Variants in ZNF469 observed in about 807,000 individuals in gnomAD.
ZNF469 encodes the protein zinc finger protein 469.
Under a neutral mutation model 1.0 loss-of-function variants are expected in ZNF469, and 1 was observed. The ratio of observed to expected loss-of-function variants is 1.00; its 90% CI spans 0.35 to 4.73. The LOEUF is 4.73. Ranked by LOEUF, ZNF469 falls within the 30% of genes most tolerant of loss-of-function variation. The probability of loss-of-function intolerance (pLI) is 0.16; values close to 1 mark genes in which losing one functional copy is unlikely to be tolerated. For missense variants in ZNF469, 6,100 were observed against 5,356.3 expected, an observed-to-expected ratio of 1.14 and a Z score of -4.33; for synonymous variants, 2,703 against 2,363.4, an observed-to-expected ratio of 1.14 and a Z score of -4.17.
chr16:88,180,145 A>G, the ZNF469 span, among the ~76,000 whole-genome samples: 1 of 152,196 alleles, frequency 6.6e-6, no homozygotes, highest in Non-Finnish European at 1.5e-5. Context: ...TACTTGATCC[A>G]ATAGAAGGAA....
the ZNF469 span, among the ~76,000 whole-genome samples, chr16:88,305,284 GCACACA>G: frequency 2.6e-5 from 3 of 116,382 alleles, no homozygotes; most frequent in African/African-American, 6.6e-5. Context: ...ATGCTCTCAG[GCACACA>G]CACACGCACA....
chr16:88,183,878 C>T, the ZNF469 span, among the ~76,000 whole-genome samples: 1 of 152,082 alleles, frequency 6.6e-6, no homozygotes, highest in East Asian at 1.9e-4. Flanking sequence ...GACAGGGAAG[C>T]GTCCCTGGAG....
At position 88,438,293 on chromosome 16, in the gene ZNF469, G is replaced by A. The variant is rs1159843365; in HGVS notation, c.10823G>A (p.Gly3608Asp). ...TCTCTGCCGCGGCCGGGAGCCAGAG[G>A]CCAAGATGCGGAGGGAAAGAGGGCT... ...GASLPRPGARGQDAEGKRAPL... is the reference protein window; with the variant it reads ...GASLPRPGARDQDAEGKRAPL... Residue 3608 changes from glycine to aspartate, a missense_variant, in exon 3 of 3, where the codon GGC (glycine) becomes GAC (aspartate). Physicochemically the swap from Gly to Asp is moderately conservative, Grantham distance 94. Coordinates refer to ENST00000565624, the MANE Select transcript of ZNF469 (RefSeq NM_001367624.2). 1.9e-6 allele frequency: 3 copies of A among 1,548,642 alleles called. No individual in the cohort carries two copies. The highest frequency in any genetic ancestry group is 2.6e-6 in the Non-Finnish European group (3 of 1,145,628).
intron 1 of ZNF469, among the ~76,000 whole-genome samples, chr16:88,401,935 GATACGTGGGTGGATGGGAA>G (rs1904888283): frequency 4.4e-5 from 1 of 22,922 alleles, no homozygotes; most frequent in African/African-American, 2.7e-4. Context: ...TGGATGGATA[GATACGTGGGTGGATGGGAA>G]GATGGATGGG....
the ZNF469 span, among the ~76,000 whole-genome samples, chr16:88,246,412 C>G: frequency 2.6e-5 from 4 of 152,124 alleles, no homozygotes; most frequent in Admixed American, 2.0e-4. Context: ...AACCCCATCT[C>G]AGAGCAAGCC....
At chr16:88,332,718 A>AG in the ZNF469 span, among the ~76,000 whole-genome samples, 1 of 151,816 alleles carries the variant, frequency 6.6e-6, no homozygotes, top group Non-Finnish European at 1.5e-5. Flanking sequence ...AGGATGGGGG[A>AG]GGGGGGGCTG....
the ZNF469 span, among the ~76,000 whole-genome samples, chr16:88,117,798 C>G: frequency 2.0e-5 from 3 of 152,210 alleles, no homozygotes; most frequent in African/African-American, 7.2e-5. Flanking sequence ...GGAGGTGGAC[C>G]TGTCGGAGTG....
chr16:88,146,493 G>A, the ZNF469 span, among the ~76,000 whole-genome samples: 5 of 152,106 alleles, frequency 3.3e-5, no homozygotes, highest in African/African-American at 4.8e-5. Context: ...GGTGAGGCCC[G>A]GGGAGAGTGG....
At chr16:88,147,748 A>T in the ZNF469 span, among the ~76,000 whole-genome samples, 27 of 152,084 alleles carry the variant, frequency 1.8e-4, no homozygotes, top group Admixed American at 4.6e-4. Context: ...GTTGGATGCA[A>T]ACTGGCCTCC....
At chr16:88,178,744 C>T in the ZNF469 span, 3 of 152,232 alleles carry the variant, frequency 2.0e-5, no homozygotes, top group Admixed American at 6.5e-5. Context: ...GGAGACACAA[C>T]CACAGCAGGG....
chr16:88,425,495 G>A (rs980049807), intron 2 of ZNF469, among the ~76,000 whole-genome samples: 2 of 151,580 alleles, frequency 1.3e-5, no homozygotes, highest in Non-Finnish European at 2.9e-5. Flanking sequence ...CAGGAGATGT[G>A]CAGGGCTAGG....
At chr16:88,111,163 C>A in the ZNF469 span, among the ~76,000 whole-genome samples, 1 of 152,212 alleles carries the variant, frequency 6.6e-6, no homozygotes, top group South Asian at 2.1e-4. Flanking sequence ...GGGGCTGTGA[C>A]GCCACTGCCG....
At position 88,430,114 on chromosome 16, in the gene ZNF469, G is replaced by A. The variant is rs1024155646; in HGVS notation, c.2644G>A (p.Gly882Arg). The A allele has an allele frequency of 3.2e-6, 5 of 1,550,216 alleles. No homozygotes were observed. Among genetic ancestry groups the A allele is most frequent in the African/African-American group, 1.4e-5 (1 of 73,114 alleles). The change falls in exon 3 of 3, where the codon GGA becomes AGA. Residue 882 changes from glycine to arginine, a missense_variant. Transcript: ENST00000565624. ...TTCCGGCCCCAGAGGTCCCAGCTCC[G>A]GACACCCCCTTAAGAGCAAGGCGGG... ...EPSGPRGPSS[G>R]HPLKSKAGVT...
the ZNF469 span, among the ~76,000 whole-genome samples, chr16:88,121,365 T>TA: frequency 6.6e-6 from 1 of 152,062 alleles, no homozygotes; most frequent in African/African-American, 2.4e-5. Context: ...AACATAGAGT[T>TA]AAAGAGAGAA....
At chr16:88,155,429 G>A in the ZNF469 span, among the ~76,000 whole-genome samples, 1 of 152,180 alleles carries the variant, frequency 6.6e-6, no homozygotes, top group African/African-American at 2.4e-5. Context: ...CATTCTTGTT[G>A]CCCCAAAAGG....
chr16:88,215,016 A>G, the ZNF469 span, among the ~76,000 whole-genome samples: 3 of 152,198 alleles, frequency 2.0e-5, no homozygotes, highest in African/African-American at 7.2e-5. Flanking sequence ...TTTAACTAAT[A>G]TTAGACTAGT....
In ZNF469 at chr16:88,427,928, C is replaced by T; in HGVS notation, c.458C>T (p.Pro153Leu). The T allele has an allele frequency of 6.5e-7, 1 of 1,549,982 alleles. No homozygotes were observed. Among genetic ancestry groups the T allele is most frequent in the Non-Finnish European group, 8.7e-7 (1 of 1,146,882 alleles). ...GCCCAGCTCCCTGAGGTGGACACCCCCCAGGGCCCTGGGACTGGAGCTCCA... is the reference window on the plus strand; with the variant it reads ...GCCCAGCTCCCTGAGGTGGACACCCTCCAGGGCCCTGGGACTGGAGCTCCA... ...EAAQLPEVDT[P>L]QGPGTGAPLR... Residue 153 changes from proline (P) to leucine (L), a missense_variant, in exon 3 of 3, where the codon CCC (proline) becomes CTC (leucine). Coordinates refer to ENST00000565624, the MANE Select transcript of ZNF469 (RefSeq NM_001367624.2).
At chr16:88,330,285 C>T in the ZNF469 span, among the ~76,000 whole-genome samples, 166 of 152,316 alleles carry the variant, frequency 1.1e-3, no homozygotes, top group African/African-American at 3.6e-3. Context: ...TGTGCACATG[C>T]GAAGGCCCTT....
chr16:88,390,607 C>T (rs1314527422), intron 1 of ZNF469, among the ~76,000 whole-genome samples: 1 of 152,208 alleles, frequency 6.6e-6, no homozygotes, highest in Non-Finnish European at 1.5e-5. Flanking sequence ...CTGGAGAAAA[C>T]AGGAAGCAGG....
Sources: gnomAD v4.1 joint callset for allele counts (sites outside exome capture counted in the v4.1 genomes callset) on GRCh38, gnomAD v4.1.1 for gene constraint, MANE v1.5 for transcripts, NCBI Gene and HGNC (gene_info 2026-07-23, HGNC 2026-07-21) for gene names.